Variants in SHISA6 observed in about 807,000 individuals in gnomAD.
The protein encoded by SHISA6 is protein shisa-6.
SHISA6 carries 22 observed loss-of-function variants against 47.9 expected under a neutral mutation model. That is an observed-to-expected ratio of 0.46 (90% confidence interval 0.33 to 0.66). SHISA6 has a LOEUF of 0.66. Ranked by LOEUF, SHISA6 falls within the 30% of genes least tolerant of loss-of-function variation. SHISA6 has a pLI of 0.02. For synonymous variants in SHISA6, 388 were observed against 337.8 expected, an observed-to-expected ratio of 1.15 and a Z score of -1.63; for missense variants, 680 against 764.6, an observed-to-expected ratio of 0.89 and a Z score of 1.30.
chr17:11,453,577 C>T (rs1050222785), intron 3 of SHISA6, among the ~76,000 whole-genome samples: 1 of 152,200 alleles, frequency 6.6e-6, no homozygotes, highest in Non-Finnish European at 1.5e-5. Flanking sequence ...CAGAAAGTAG[C>T]AAAATTATCC....
chr17:11,301,414 G>A (rs188097488), intron 2 of SHISA6, among the ~76,000 whole-genome samples: 32 of 152,064 alleles, frequency 2.1e-4, no homozygotes, highest in African/African-American at 7.3e-5. Context: ...TGGGGGCTCC[G>A]GGCTTTGCTA....
intron 3 of SHISA6, among the ~76,000 whole-genome samples, chr17:11,530,577 C>T (rs373256638): frequency 1.3e-5 from 2 of 152,310 alleles, no homozygotes; most frequent in South Asian, 2.1e-4. Context: ...TACTCAGCTG[C>T]TCCCAGAAGC....
intron 2 of SHISA6, among the ~76,000 whole-genome samples, chr17:11,275,149 A>ATT (rs36121722): frequency 0.13 from 18,553 of 145,940 alleles, 1,261 homozygotes; most frequent in Middle Eastern, 0.17. Flanking sequence ...AGCAGGAGGA[A>ATT]TTTTTTTTTT....
At chr17:11,486,084 T>G (rs1370502555) in intron 3 of SHISA6, among the ~76,000 whole-genome samples, 2 of 152,188 alleles carry the variant, frequency 1.3e-5, no homozygotes, top group Non-Finnish European at 2.9e-5. Context: ...GCTCTTCATT[T>G]CTACAAATGT....
chr17:11,490,551 C>T (rs1282776788), intron 3 of SHISA6, among the ~76,000 whole-genome samples: 1 of 152,096 alleles, frequency 6.6e-6, no homozygotes, highest in Non-Finnish European at 1.5e-5. Flanking sequence ...AGAAGCAGTT[C>T]CCATTATTCA....
chr17:11,410,694 A>T (rs1914090111), intron 3 of SHISA6, among the ~76,000 whole-genome samples: 1 of 152,300 alleles, frequency 6.6e-6, no homozygotes, highest in East Asian at 1.9e-4. Flanking sequence ...GGCTGGCTCC[A>T]GGAATAGTTC....
chr17:11,398,583 T>C (rs1257654080), intron 3 of SHISA6, among the ~76,000 whole-genome samples: 1 of 151,834 alleles, frequency 6.6e-6, no homozygotes, highest in Non-Finnish European at 1.5e-5. Context: ...TAGGTTTTTT[T>C]GTTTGCTTGT....
chr17:11,433,386 T>C (rs2142291403), intron 3 of SHISA6, among the ~76,000 whole-genome samples: 1 of 152,340 alleles, frequency 6.6e-6, no homozygotes, highest in Non-Finnish European at 1.5e-5. Context: ...TCCAGCTCCA[T>C]CCGTGTCCCT....
intron 5 of SHISA6, among the ~76,000 whole-genome samples, chr17:11,556,796 C>A (rs904683350): frequency 6.6e-6 from 1 of 152,138 alleles, no homozygotes; most frequent in African/African-American, 2.4e-5. Flanking sequence ...GAAGAGCAGA[C>A]AGAATTCCCA....
chr17:11,501,115 A>ATT (rs61051749), intron 3 of SHISA6, among the ~76,000 whole-genome samples: 24,523 of 145,244 alleles, frequency 0.17, 2,204 homozygotes, highest in East Asian at 0.3. Context: ...CTTCCAACAC[A>ATT]TTTTTTTTTT....
chr17:11,450,761 C>G (rs1915374070), intron 3 of SHISA6, among the ~76,000 whole-genome samples: 2 of 151,736 alleles, frequency 1.3e-5, no homozygotes, highest in Admixed American at 1.3e-4. Context: ...ATAAATAATC[C>G]AGGAAATCGC....
intron 3 of SHISA6, among the ~76,000 whole-genome samples, chr17:11,550,563 T>C (rs1173360551): frequency 6.6e-6 from 1 of 152,256 alleles, no homozygotes; most frequent in South Asian, 2.1e-4. Context: ...ACACTGGATA[T>C]GGAGAATGAC....
intron 3 of SHISA6, among the ~76,000 whole-genome samples, chr17:11,491,183 A>G (rs1053587274): frequency 2.6e-5 from 4 of 152,200 alleles, no homozygotes; most frequent in African/African-American, 9.6e-5. Context: ...AACTCACTGA[A>G]TGACCTGGAG....
rs1341100584 is a variant in SHISA6 at position 11,277,448 on chromosome 17, G to A, written c.799+13922G>A. ...GGACTGTAAGTGCCTTGAGTACAGGGATATGTCTGCTTTGCTCACTCTATT... is the reference window on the plus strand; with the variant it reads ...GGACTGTAAGTGCCTTGAGTACAGGAATATGTCTGCTTTGCTCACTCTATT... On this transcript the variant is annotated intron_variant, in intron 2 of 5. Transcript: ENST00000441885. 2.0e-5 allele frequency among the ~76,000 whole-genome samples: 3 copies of A among 152,064 alleles called. No individual in the cohort carries two copies. The South Asian group carries it at 6.2e-4, about 32-fold the overall frequency.
chr17:11,291,012 T>A (rs4792120), intron 2 of SHISA6, among the ~76,000 whole-genome samples: 1 of 150,674 alleles, frequency 6.6e-6, no homozygotes, highest in Non-Finnish European at 1.5e-5. Flanking sequence ...TTTAATAATT[T>A]ATTAATAATT....
chr17:11,327,712 G>T (rs1012897924), intron 2 of SHISA6, among the ~76,000 whole-genome samples: 5 of 152,118 alleles, frequency 3.3e-5, no homozygotes, highest in East Asian at 1.9e-4. Context: ...CAGGAGAATC[G>T]CTTGAACCTG....
chr17:11,351,991 T>A (rs921068004), intron 2 of SHISA6, among the ~76,000 whole-genome samples: 3 of 152,162 alleles, frequency 2.0e-5, no homozygotes, highest in African/African-American at 7.2e-5. Flanking sequence ...TTTAAATTTT[T>A]GGTGAGATAT....
intron 2 of SHISA6, among the ~76,000 whole-genome samples, chr17:11,338,088 C>T (rs1018410992): frequency 5.3e-5 from 8 of 152,134 alleles, no homozygotes; most frequent in African/African-American, 1.9e-4. Context: ...TAGAAAAACA[C>T]ATTGTCAGGG....
intron 3 of SHISA6, among the ~76,000 whole-genome samples, chr17:11,479,429 G>T (rs1230522974): frequency 6.6e-6 from 1 of 151,970 alleles, no homozygotes. Context: ...ATAGACACAG[G>T]GAGGGGAATA....
Sources: allele counts gnomAD v4.1 joint callset (sites outside exome capture counted in the v4.1 genomes callset), GRCh38; gene constraint gnomAD v4.1.1; transcripts MANE v1.5; gene names NCBI Gene and HGNC (gene_info 2026-07-23, HGNC 2026-07-21).